XRRA1: variants seen among roughly 807,000 people sequenced by gnomAD.
XRRA1 encodes the protein X-ray radiation resistance associated 1.
XRRA1 carries 69 observed loss-of-function variants against 80.2 expected under a neutral mutation model. The observed-to-expected ratio is 0.86, with a 90% CI of 0.71 to 1.05. The LOEUF (loss-of-function observed/expected upper bound fraction) is 1.05. XRRA1 is among the 50% of genes least tolerant of loss of function. The pLI, the probability that XRRA1 is intolerant of heterozygous loss-of-function variation, is 0.00. For synonymous variants in XRRA1, 348 were observed against 389.9 expected (o/e 0.89, Z 1.27); for missense variants, 967 against 976.4 (o/e 0.99, Z 0.13).
At chr11:74,880,310 T>C (rs1272497848) in intron 10 of XRRA1, among the ~76,000 whole-genome samples, 1 of 152,250 alleles carries the variant, frequency 6.6e-6, no homozygotes, top group Non-Finnish European at 1.5e-5. Flanking sequence ...TCGGTGGTGA[T>C]ATCCCCTTTA....
intron 14 of XRRA1, among the ~76,000 whole-genome samples, chr11:74,850,516 C>A (rs1225978359): frequency 6.6e-6 from 1 of 152,132 alleles, no homozygotes; most frequent in Admixed American, 6.5e-5. Context: ...GCTCAGCCCA[C>A]CTTTTGGCTG....
chr11:74,896,636 C>T (rs2137627521), intron 10 of XRRA1, among the ~76,000 whole-genome samples: 1 of 152,300 alleles, frequency 6.6e-6, no homozygotes, highest in Non-Finnish European at 1.5e-5. Context: ...AAGCCCAGTG[C>T]TGTGTTGGCT....
intron 10 of XRRA1, among the ~76,000 whole-genome samples, chr11:74,882,320 C>A (rs2047855274): frequency 1.3e-5 from 2 of 151,490 alleles, no homozygotes; most frequent in South Asian, 2.1e-4. Context: ...GAGGCTTCTG[C>A]ATTCTTCACG....
At position 74,852,073 on chromosome 11, in the gene XRRA1, CTT is replaced by C; in HGVS notation, c.1178_1179del (p.Lys393ArgfsTer20). ...YLSLAYNKIAKEDAVLPVALF... is the reference protein window; with the variant it reads ...YLSLAYNKIAXEDAVLPVALF... ...AGAGCTACTGGTAGGACAGCATCCTCTTTTGCGATCTGTAATGAATGCAGGAG... is the reference window on the plus strand; with the variant it reads ...AGAGCTACTGGTAGGACAGCATCCTCTTGCGATCTGTAATGAATGCAGGAG... On this transcript the variant is annotated frameshift_variant, in exon 13 of 19. Coordinates refer to ENST00000684022, the MANE Select transcript of XRRA1 (RefSeq NM_001378157.1). LOFTEE classifies it high-confidence loss of function. 2 of 1,613,884 alleles carry C rather than the reference CTT, an allele frequency of 1.2e-6. No homozygotes were observed. Among genetic ancestry groups the C allele is most frequent in the East Asian group, 2.2e-5 (1 of 44,872 alleles).
Position 74,933,908 on chromosome 11 carries a change from C to T in XRRA1, c.280-36G>A, listed in dbSNP as rs748879617. 35 of 1,569,444 alleles carry T rather than the reference C, an allele frequency of 2.2e-5. No individual in the cohort carries two copies. The South Asian group carries it at 3.5e-4, about 16-fold the overall frequency. On this transcript the variant is annotated intron_variant, in intron 4 of 18. Coordinates refer to ENST00000684022, the MANE Select transcript of XRRA1 (RefSeq NM_001378157.1). ...ATACAAAGAGTTGTCTCTTAAGGCCCCTACAAAGTTTAATTAATCTATTAC... is the reference window on the plus strand; with the variant it reads ...ATACAAAGAGTTGTCTCTTAAGGCCTCTACAAAGTTTAATTAATCTATTAC...
chr11:74,872,598 G>A (rs749097172), intron 10 of XRRA1, among the ~76,000 whole-genome samples: 7 of 152,114 alleles, frequency 4.6e-5, no homozygotes, highest in Non-Finnish European at 8.8e-5. Flanking sequence ...GCAGCAAGTA[G>A]AAGCCACCCC....
At chr11:74,905,550 C>T (rs2054401994) in intron 10 of XRRA1, among the ~76,000 whole-genome samples, 1 of 152,144 alleles carries the variant, frequency 6.6e-6, no homozygotes, top group Admixed American at 6.5e-5. Flanking sequence ...TATCTGCTTC[C>T]CATGGGTTTC....
intron 10 of XRRA1, among the ~76,000 whole-genome samples, chr11:74,870,511 G>A (rs1361317740): frequency 1.3e-5 from 2 of 152,172 alleles, no homozygotes; most frequent in African/African-American, 2.4e-5. Context: ...AAATAATCCT[G>A]TTAGATAGCA....
At chr11:74,943,587 G>C (rs924760744) in intron 2 of XRRA1, among the ~76,000 whole-genome samples, 3 of 150,082 alleles carry the variant, frequency 2.0e-5, no homozygotes, top group Non-Finnish European at 3.0e-5. Flanking sequence ...GAGAGAGAGA[G>C]AGTGCACCTG....
intron 10 of XRRA1, among the ~76,000 whole-genome samples, chr11:74,887,947 G>A (rs111887016): frequency 0.034 from 5,218 of 152,230 alleles, 303 homozygotes; most frequent in African/African-American, 0.12. Context: ...GGTAGAGCCC[G>A]CCGCAACTCA....
chr11:74,858,931 A>G lies in XRRA1; in HGVS notation c.1170+227T>C, dbSNP rs539125858. On this transcript the variant is annotated intron_variant, in intron 12 of 18. Coordinates refer to ENST00000684022, the MANE Select transcript of XRRA1 (RefSeq NM_001378157.1). ...TTCCACAGCTGTATATCTAGTGCCT[A>G]CCACAGAGCCTGGCACATGGTAAGT... is the stretch of plus-strand genomic sequence containing the variant. Among the ~76,000 whole-genome samples, 27 of 152,336 alleles carry G rather than the reference A, an allele frequency of 1.8e-4. No homozygotes were observed. The South Asian group carries it at 5.0e-3, about 28-fold the overall frequency.
At chr11:74,863,273 C>T (rs2042699749) in intron 10 of XRRA1, 1 of 514,836 alleles carries the variant, frequency 1.9e-6, no homozygotes, top group Non-Finnish European at 3.5e-6. Context: ...TGATTGGGCC[C>T]CTGCCTACTT....
intron 4 of XRRA1, among the ~76,000 whole-genome samples, chr11:74,934,409 G>T (rs1398333959): frequency 1.3e-5 from 2 of 152,168 alleles, no homozygotes; most frequent in Non-Finnish European, 2.9e-5. Flanking sequence ...AAGGCATTGG[G>T]AAGACAATGA....
chr11:74,875,629 A>G (rs2045870199), intron 10 of XRRA1, among the ~76,000 whole-genome samples: 1 of 152,184 alleles, frequency 6.6e-6, no homozygotes, highest in African/African-American at 2.4e-5. Context: ...CTGTAATCCC[A>G]GCACTTTGGC....
Position 74,843,138 on chromosome 11 carries a change from C to T in XRRA1, c.*62G>A, listed in dbSNP as rs1020713278. ...CAACCTTGAGGTGCGGTCCAGGGCA[C>T]AGAGCCCTCGGGGAGAGCTGGGGCA... On this transcript the variant is annotated 3_prime_UTR_variant, in exon 19 of 19. Coordinates refer to ENST00000684022, the MANE Select transcript of XRRA1 (RefSeq NM_001378157.1). 1 of 1,498,602 alleles carries T rather than the reference C, an allele frequency of 6.7e-7. No homozygotes were observed. The highest frequency in any genetic ancestry group is 1.4e-5 in the African/African-American group (1 of 72,478). 92.8% of individuals were successfully genotyped at this position (1,498,602 alleles called of 1,614,324 possible). A position where few individuals can be genotyped will look rare whatever the true frequency, so the allele number is the denominator to read the frequency against.
chr11:74,895,050 C>A (rs2051909931), intron 10 of XRRA1, among the ~76,000 whole-genome samples: 1 of 151,986 alleles, frequency 6.6e-6, no homozygotes, highest in Admixed American at 6.6e-5. Context: ...CCCTAAACAC[C>A]AAATTTTAAC....
intron 10 of XRRA1, among the ~76,000 whole-genome samples, chr11:74,870,994 A>G (rs2044647492): frequency 6.6e-6 from 1 of 152,218 alleles, no homozygotes; most frequent in Non-Finnish European, 1.5e-5. Context: ...CCACTGCCTA[A>G]CAATAAATAT....
At chr11:74,854,733 T>C (rs2040669245) in intron 12 of XRRA1, among the ~76,000 whole-genome samples, 1 of 152,228 alleles carries the variant, frequency 6.6e-6, no homozygotes, top group South Asian at 2.1e-4. Context: ...ATACTACCTT[T>C]CTCTGGCTGG....
Position 74,907,129 on chromosome 11 carries a change from A to C in XRRA1, c.785+16T>G. 7.4e-6 allele frequency: 12 copies of C among 1,613,092 alleles called. No homozygotes were observed. Among genetic ancestry groups the C allele is most frequent in the Non-Finnish European group, 1.0e-5 (12 of 1,179,804 alleles). On this transcript the variant is annotated intron_variant, in intron 9 of 18. Transcript: ENST00000684022. ...GGATTAGAGGAGGCCCAGCAGAGAA[A>C]GGCTTATGGCTTTACCTCCTGAGCC...
Sources: gnomAD v4.1 joint callset for allele counts (sites outside exome capture counted in the v4.1 genomes callset) on GRCh38, gnomAD v4.1.1 for gene constraint, MANE v1.5 for transcripts, NCBI Gene and HGNC (gene_info 2026-07-23, HGNC 2026-07-21) for gene names.